Variants in SIPA1L1 observed in about 807,000 individuals in gnomAD.
SIPA1L1 encodes the protein signal-induced proliferation-associated 1-like protein 1.
Under a neutral mutation model 162.7 loss-of-function variants are expected in SIPA1L1, and 26 were observed. The observed-to-expected ratio is 0.16, with a 90% CI of 0.12 to 0.22. The LOEUF (loss-of-function observed/expected upper bound fraction) is 0.22, where lower values mean the gene tolerates loss of function less well. Among genes scored for constraint, SIPA1L1 ranks in the 10% least tolerant of loss-of-function variants. SIPA1L1 has a pLI of 1.00. For synonymous variants in SIPA1L1, 829 were observed against 837.4 expected, an observed-to-expected ratio of 0.99 and a Z score of 0.17; for missense variants, 1,874 against 2,241.0, an observed-to-expected ratio of 0.84 and a Z score of 3.31.
At chr14:71,564,086 A>G (rs1230189307) in intron 4 of SIPA1L1, among the ~76,000 whole-genome samples, 1 of 152,102 alleles carries the variant, frequency 6.6e-6, no homozygotes, top group Non-Finnish European at 1.5e-5. Flanking sequence ...AGTAGGGACT[A>G]CAGGCGTGTA....
intron 22 of SIPA1L1, among the ~76,000 whole-genome samples, chr14:71,736,036 G>A (rs994543069): frequency 6.6e-6 from 1 of 152,188 alleles, no homozygotes; most frequent in Non-Finnish European, 1.5e-5. Context: ...CATCAGTCAG[G>A]TATGGAACAT....
intron 2 of SIPA1L1, among the ~76,000 whole-genome samples, chr14:71,324,006 C>G (rs2033483383): frequency 6.6e-6 from 1 of 152,312 alleles, no homozygotes. Context: ...GTCTGGGTTT[C>G]AAATACCTGC....
chr14:71,696,777 C>T (rs1471981933), intron 13 of SIPA1L1, among the ~76,000 whole-genome samples: 1 of 152,174 alleles, frequency 6.6e-6, no homozygotes, highest in Admixed American at 6.5e-5. Flanking sequence ...CATAAAATAA[C>T]CATTCTGTAT....
rs746297140 is a variant in SIPA1L1, at chr14:71,406,642, C to G, written c.-465+85461C>G. On this transcript the variant is annotated intron_variant, in intron 2 of 23. Coordinates refer to ENST00000381232, the MANE Select transcript of SIPA1L1 (RefSeq NM_001386936.1). ...TTGATTTTTACCCAAAATTCATTAT[C>G]TAGGAGTTTACAAAGAAATTCTTCA... Among the ~76,000 whole-genome samples, 169 of 152,096 alleles carry G rather than the reference C, an allele frequency of 1.1e-3. 4 individuals are homozygous for G. Among genetic ancestry groups the G allele is most frequent in the Non-Finnish European group, 2.6e-4 (18 of 68,012 alleles).
chr14:71,532,547 C>T (rs928677179), intron 4 of SIPA1L1, among the ~76,000 whole-genome samples: 2 of 152,140 alleles, frequency 1.3e-5, no homozygotes, highest in South Asian at 4.1e-4. Context: ...TCTTGCTCTC[C>T]GCACCCTTGT....
chr14:71,479,359 A>ATGTATGTATGTATGTATGTG (rs1555433736), intron 2 of SIPA1L1, among the ~76,000 whole-genome samples: 2 of 151,554 alleles, frequency 1.3e-5, no homozygotes, highest in Non-Finnish European at 2.9e-5. Flanking sequence ...GTATGTATGT[A>ATGTATGTATGTATGTATGTG]TGTATGTATG....
At chr14:71,725,263 C>T in intron 19 of SIPA1L1, among the ~76,000 whole-genome samples, 1 of 152,210 alleles carries the variant, frequency 6.6e-6, no homozygotes, top group East Asian at 1.9e-4. Context: ...TTGCTCCTGA[C>T]CCTGTCTGGC....
chr14:71,453,876 C>A (rs1375545922), intron 2 of SIPA1L1, among the ~76,000 whole-genome samples: 1 of 151,778 alleles, frequency 6.6e-6, no homozygotes, highest in Non-Finnish European at 1.5e-5. Flanking sequence ...CTCGTGTAAT[C>A]CCATCTACTC....
rs1189940440 is a variant in SIPA1L1, at chr14:71,446,906, G to GTTTTTTTT, written c.-464-65821_-464-65814dup. On this transcript the variant is annotated intron_variant, in intron 2 of 23. Coordinates refer to ENST00000381232, the MANE Select transcript of SIPA1L1 (RefSeq NM_001386936.1). ...AGAGATGGGCTCTGTTTTTTTTTTT[G>GTTTTTTTT]TTTTTTTTTTTTTTTTTTTTTTTGA... 6.5e-3 allele frequency among the ~76,000 whole-genome samples: 347 copies of GTTTTTTTT among 53,140 alleles called. 2 individuals are homozygous for GTTTTTTTT. The highest frequency in any genetic ancestry group is 7.9e-3 in the Non-Finnish European group (254 of 32,258). The allele number at this position is 53,140 out of a possible 152,430, so 34.9% of individuals were successfully genotyped here. A position where few individuals can be genotyped will look rare whatever the true frequency, so the allele number is the denominator to read the frequency against.
chr14:71,668,479 CA>C (rs2044226005), intron 10 of SIPA1L1, among the ~76,000 whole-genome samples: 1 of 152,216 alleles, frequency 6.6e-6, no homozygotes, highest in Admixed American at 6.5e-5. Flanking sequence ...ACAAACAAGA[CA>C]CCTTCCTGGT....
At chr14:71,643,613 G>A (rs1480644093) in intron 7 of SIPA1L1, among the ~76,000 whole-genome samples, 1 of 152,142 alleles carries the variant, frequency 6.6e-6, no homozygotes, top group African/African-American at 2.4e-5. Context: ...TTAATAGAAG[G>A]CACTTGGACT....
chr14:71,670,435 A>G (rs139448424), intron 10 of SIPA1L1, among the ~76,000 whole-genome samples: 30 of 152,302 alleles, frequency 2.0e-4, no homozygotes, highest in African/African-American at 7.0e-4. Flanking sequence ...TAAAATACCA[A>G]AAGGACCAAG....
intron 2 of SIPA1L1, among the ~76,000 whole-genome samples, chr14:71,494,651 A>G (rs1042322514): frequency 3.3e-5 from 5 of 151,534 alleles, no homozygotes; most frequent in Non-Finnish European, 5.9e-5. Context: ...TTCAGCCTCA[A>G]TAGTAGCTGG....
Position 71,545,569 on chromosome 14 carries a change from G to A in SIPA1L1, c.-303+16199G>A, listed in dbSNP as rs1052123639. ...GCAAACCTCCTAAATTCAGTTGCTA[G>A]TTCTAATTTGTGTGTGTGTGTGTGT... On this transcript the variant is annotated intron_variant, in intron 4 of 23. Transcript: ENST00000381232. 1.9e-3 allele frequency among the ~76,000 whole-genome samples: 291 copies of A among 151,558 alleles called. 1 individual carries two copies. Among genetic ancestry groups the A allele is most frequent in the African/African-American group, 6.7e-3 (274 of 41,122 alleles).
chr14:71,547,738 C>G (rs1165649909), intron 4 of SIPA1L1, among the ~76,000 whole-genome samples: 1 of 152,172 alleles, frequency 6.6e-6, no homozygotes, highest in Non-Finnish European at 1.5e-5. Context: ...CTACTGTACC[C>G]AGAGCAGACC....
intron 2 of SIPA1L1, among the ~76,000 whole-genome samples, chr14:71,376,735 T>G (rs2039405196): frequency 6.6e-6 from 1 of 152,110 alleles, no homozygotes; most frequent in African/African-American, 2.4e-5. Flanking sequence ...TTTGTGTCCC[T>G]GGGTACTTGA....
chr14:71,351,064 G>A (rs571226045), intron 2 of SIPA1L1, among the ~76,000 whole-genome samples: 11 of 152,288 alleles, frequency 7.2e-5, no homozygotes, highest in African/African-American at 2.4e-4. Context: ...TAAGGTAGTT[G>A]ACAAATTACT....
Position 71,601,134 on chromosome 14 carries a change from T to C in SIPA1L1, c.1498+11764T>C, listed in dbSNP as rs78570671. ...GCTCTGGCTTGAACTTCCAATACTG[T>C]ATTGGAGTGGTGAAAGTAGACATCC... On this transcript the variant is annotated intron_variant, in intron 5 of 23. Transcript: ENST00000381232. 5.5e-3 allele frequency among the ~76,000 whole-genome samples: 837 copies of C among 152,214 alleles called. 11 individuals are homozygous for C. The highest frequency in any genetic ancestry group is 0.019 in the African/African-American group (789 of 41,560).
At chr14:71,339,005 G>T (rs778074133) in intron 2 of SIPA1L1, among the ~76,000 whole-genome samples, 1 of 152,090 alleles carries the variant, frequency 6.6e-6, no homozygotes, top group Non-Finnish European at 1.5e-5. Context: ...CTCCCAAAGT[G>T]CTGGGATTAC....
Sources: gnomAD v4.1 joint callset for allele counts (sites outside exome capture counted in the v4.1 genomes callset) on GRCh38, gnomAD v4.1.1 for gene constraint, MANE v1.5 for transcripts, NCBI Gene and HGNC (gene_info 2026-07-23, HGNC 2026-07-21) for gene names.